The following MECOM variants were observed in gnomAD, a reference collection of about 807,000 sequenced individuals.
The protein encoded by MECOM is MDS1 and EVI1 complex locus.
MECOM carries 13 observed loss-of-function variants against 116.3 expected under a neutral mutation model. The ratio of observed to expected loss-of-function variants is 0.11; its 90% confidence interval spans 0.07 to 0.18. The LOEUF (loss-of-function observed/expected upper bound fraction) is 0.18, where lower values mean the gene tolerates loss of function less well. MECOM is among the 10% of genes least tolerant of loss of function. The pLI is 1.00. For synonymous variants in MECOM, 528 were observed against 535.2 expected, an observed-to-expected ratio of 0.99 and a Z score of 0.19; for missense variants, 1,299 against 1,509.0, an observed-to-expected ratio of 0.86 and a Z score of 2.31.
intron 1 of MECOM, among the ~76,000 whole-genome samples, chr3:169,450,440 C>G (rs1035635737): frequency 6.6e-6 from 1 of 152,106 alleles, no homozygotes. Flanking sequence ...AAATAGGCCC[C>G]TGCTGCCTCC....
chr3:169,543,066 GA>G (rs1760296381), intron 1 of MECOM, among the ~76,000 whole-genome samples: 3 of 152,098 alleles, frequency 2.0e-5, no homozygotes, highest in African/African-American at 7.2e-5. Flanking sequence ...AACTAGTTAC[GA>G]ATACCAAAAT....
rs569841320 is a variant in MECOM, at chr3:169,232,868, C to G, written c.376-89036G>C. On this transcript the variant is annotated intron_variant, in intron 2 of 16. Coordinates refer to ENST00000651503, the MANE Select transcript of MECOM (RefSeq NM_004991.4). ...CTAGTGCCAAGCTGATTTTAACAAC[C>G]TCTACCTTTATAAGCAGCCTTTTCA... Among the ~76,000 whole-genome samples the G allele has an allele frequency of 9.2e-5, 14 of 152,088 alleles. No homozygotes were observed. The South Asian group carries it at 2.7e-3, about 29-fold the overall frequency.
At chr3:169,302,819 G>A (rs1037374960) in intron 2 of MECOM, among the ~76,000 whole-genome samples, 7 of 151,708 alleles carry the variant, frequency 4.6e-5, no homozygotes, top group Admixed American at 4.6e-4. Context: ...AGCCGAGATT[G>A]TACCACTGCA....
intron 1 of MECOM, among the ~76,000 whole-genome samples, chr3:169,550,999 A>G (rs867491406): frequency 4.0e-5 from 4 of 98,846 alleles, no homozygotes; most frequent in Admixed American, 3.8e-4. Context: ...AATTTTTTGT[A>G]TTTTTAGTAG....
chr3:169,392,891 T>A (rs1280851066), intron 1 of MECOM, among the ~76,000 whole-genome samples: 1 of 152,184 alleles, frequency 6.6e-6, no homozygotes, highest in Non-Finnish European at 1.5e-5. Flanking sequence ...ATCAGAATAT[T>A]TTGGGGGGAT....
At chr3:169,511,473 A>G (rs1755944675) in intron 1 of MECOM, among the ~76,000 whole-genome samples, 1 of 152,194 alleles carries the variant, frequency 6.6e-6, no homozygotes, top group Non-Finnish European at 1.5e-5. Context: ...TTTAAAAAGT[A>G]TTTTTAGGCC....
At chr3:169,121,723 T>TA (rs1190682988) in intron 6 of MECOM, among the ~76,000 whole-genome samples, 5 of 151,746 alleles carry the variant, frequency 3.3e-5, no homozygotes, top group Admixed American at 2.0e-4. Context: ...AAAACAAAAA[T>TA]AAAAAAGCCA....
At chr3:169,218,843 C>T (rs750754005) in intron 2 of MECOM, among the ~76,000 whole-genome samples, 6 of 152,064 alleles carry the variant, frequency 3.9e-5, no homozygotes, top group Admixed American at 2.0e-4. Flanking sequence ...AATGTTGCAC[C>T]GTATCCAATT....
chr3:169,365,875 A>T (rs1351945581), intron 2 of MECOM, among the ~76,000 whole-genome samples: 1 of 152,030 alleles, frequency 6.6e-6, no homozygotes, highest in Non-Finnish European at 1.5e-5. Context: ...GACAAAGGAA[A>T]ACTGAGTAAT....
At chr3:169,355,302 AAC>A (rs1727070995) in intron 2 of MECOM, among the ~76,000 whole-genome samples, 1 of 152,018 alleles carries the variant, frequency 6.6e-6, no homozygotes, top group African/African-American at 2.4e-5. Context: ...AAAATCACAG[AAC>A]AGTTTCTCAT....
intron 1 of MECOM, among the ~76,000 whole-genome samples, chr3:169,397,136 T>C (rs528554616): frequency 1.3e-5 from 2 of 152,296 alleles, no homozygotes; most frequent in Admixed American, 6.5e-5. Context: ...TATGAAATGG[T>C]TCATGATCAA....
chr3:169,357,847 G>C (rs1446471844), intron 2 of MECOM, among the ~76,000 whole-genome samples: 1 of 151,776 alleles, frequency 6.6e-6, no homozygotes, highest in African/African-American at 2.4e-5. Flanking sequence ...AAGCAAAAAG[G>C]AAGAGGTGAG....
rs570150421 is a variant in MECOM, at chr3:169,584,960, G to A, written c.37+78376C>T. On this transcript the variant is annotated intron_variant, in intron 1 of 16. Transcript: ENST00000651503. ...CTAGAAGTGTTCAAGAATCAAGTGC[G>A]AAAGGATCTTACGAGAATGATGCTG... Among the ~76,000 whole-genome samples, 5 of 152,308 alleles carry A rather than the reference G, an allele frequency of 3.3e-5. No homozygotes were observed. In the East Asian group the frequency reaches 5.8e-4, roughly 18 times the overall value.
At chr3:169,421,712 T>G (rs1739779408) in intron 1 of MECOM, among the ~76,000 whole-genome samples, 1 of 152,114 alleles carries the variant, frequency 6.6e-6, no homozygotes, top group Non-Finnish European at 1.5e-5. Flanking sequence ...AAACGATTTC[T>G]TACTTCTTCA....
chr3:169,187,135 C>G (rs914981314), intron 2 of MECOM, among the ~76,000 whole-genome samples: 1 of 152,220 alleles, frequency 6.6e-6, no homozygotes, highest in East Asian at 1.9e-4. Flanking sequence ...TTTTCATAGT[C>G]TTCAATGGGG....
intron 2 of MECOM, among the ~76,000 whole-genome samples, chr3:169,194,043 A>T (rs886914268): frequency 3.9e-5 from 6 of 152,062 alleles, no homozygotes; most frequent in Admixed American, 3.9e-4. Context: ...ATTTAATGAA[A>T]ATTTTATTGA....
intron 1 of MECOM, among the ~76,000 whole-genome samples, chr3:169,605,867 C>T (rs117002084): frequency 1.4e-4 from 22 of 152,168 alleles, no homozygotes; most frequent in East Asian, 1.2e-3. Flanking sequence ...AATGATGTAA[C>T]GCATTTGATG....
In MECOM at chr3:169,492,892, G is replaced by A. The variant is rs370811182; in HGVS notation, c.38-111368C>T. Among the ~76,000 whole-genome samples, 76 of 150,680 alleles carry A rather than the reference G, an allele frequency of 5.0e-4. 1 individual carries two copies. Among genetic ancestry groups the A allele is most frequent in the African/African-American group, 1.4e-3 (58 of 40,940 alleles). ...GGAGAATTGCTTGAATTCAGGAGGC[G>A]GAGGTTGCAATGAGCCGAGATCACA... is the stretch of plus-strand genomic sequence containing the variant. On this transcript the variant is annotated intron_variant, in intron 1 of 16. Transcript: ENST00000651503.
intron 1 of MECOM, among the ~76,000 whole-genome samples, chr3:169,643,934 A>G (rs927725109): frequency 2.6e-5 from 4 of 152,210 alleles, no homozygotes; most frequent in African/African-American, 9.6e-5. Context: ...CAACAAATGT[A>G]TGCAGTCTAG....
Sources: allele counts gnomAD v4.1 joint callset (sites outside exome capture counted in the v4.1 genomes callset), GRCh38; gene constraint gnomAD v4.1.1; transcripts MANE v1.5; gene names NCBI Gene and HGNC (gene_info 2026-07-23, HGNC 2026-07-21).